Variants in TRIM66 observed in about 807,000 individuals in gnomAD.
The protein encoded by TRIM66 is tripartite motif containing 66.
Under a neutral mutation model 148.2 loss-of-function variants are expected in TRIM66, and 99 were observed. The observed-to-expected ratio is 0.67, with a 90% CI of 0.57 to 0.79. TRIM66 has a LOEUF of 0.79. TRIM66 is among the 30% of genes least tolerant of loss of function. TRIM66 has a pLI of 0.00. For missense variants in TRIM66, 1,666 were observed against 1,697.9 expected (o/e 0.98, Z 0.33); for synonymous variants, 616 against 635.9 (o/e 0.97, Z 0.47).
Position 8,621,147 on chromosome 11 carries a change from C to A in TRIM66, c.3430G>T (p.Glu1144Ter), listed in dbSNP as rs1378306199. ...GAKKGPPAPI[E>*]NEDFCAVCLN... Reference sequence around the variant, plus strand: ...CAAACAGCACAGAAGTCCTCATTCTCTATTGGGGCTGGGGGGCCCTTCTTG... The same window carrying A: ...CAAACAGCACAGAAGTCCTCATTCTATATTGGGGCTGGGGGGCCCTTCTTG... The change falls in exon 20 of 25, where the codon GAG (glutamate) becomes TAG (stop). Residue 1144 changes from glutamate (E) to a stop codon, truncating the protein, a stop_gained. Coordinates refer to ENST00000646038, the MANE Select transcript of TRIM66 (RefSeq NM_001388022.1). LOFTEE classifies it high-confidence loss of function. The A allele has an allele frequency of 6.4e-7, 1 of 1,551,726 alleles. No homozygotes were observed. The highest frequency in any genetic ancestry group is 2.0e-5 in the Admixed American group (1 of 51,016).
chr11:8,621,409 G>A (rs1592005124), intron 19 of TRIM66, 88 bp from the exon 20 acceptor site: 1 of 1,447,970 alleles, frequency 6.9e-7, no homozygotes, highest in Non-Finnish European at 9.1e-7. Context: ...GGCCCTGCAT[G>A]CCTACATGAG....
At chr11:8,665,799 A>G (rs934161667) in intron 6 of TRIM66, among the ~76,000 whole-genome samples, 1 of 151,952 alleles carries the variant, frequency 6.6e-6, no homozygotes, top group African/African-American at 2.4e-5. Flanking sequence ...AATACAAAAA[A>G]TTAGCCGGGC....
chr11:8,640,904 T>G lies in TRIM66; in HGVS notation c.1471A>C (p.Ser491Arg). ...VPPPSIHPAH[S>R]FRQPPEMVPQ... ...ACCATCTCAGGGGGCTGCCTGAAGC[T>G]GTGGGCTGGGTGTATGCTGGGTGGG... The change falls in exon 14 of 25, where the codon AGC (serine) becomes CGC (arginine). Residue 491 changes from serine to arginine, a missense_variant. Physicochemically the swap from Ser to Arg is moderately radical, Grantham distance 110. Coordinates refer to ENST00000646038, the MANE Select transcript of TRIM66 (RefSeq NM_001388022.1). The G allele has an allele frequency of 6.5e-7, 1 of 1,550,042 alleles. No homozygotes were observed. The highest frequency in any genetic ancestry group is 8.7e-7 in the Non-Finnish European group (1 of 1,146,744).
intron 6 of TRIM66, among the ~76,000 whole-genome samples, chr11:8,668,519 T>A (rs955861698): frequency 1.3e-5 from 2 of 152,208 alleles, no homozygotes; most frequent in African/African-American, 4.8e-5. Context: ...CTACTCTCCA[T>A]GTGACTGCCT....
chr11:8,634,474 C>A (rs1487029401), intron 15 of TRIM66, among the ~76,000 whole-genome samples: 1 of 152,216 alleles, frequency 6.6e-6, no homozygotes, highest in African/African-American at 2.4e-5. Flanking sequence ...CGGCCAACTC[C>A]TTTGAGGAAA....
At position 8,640,796 on chromosome 11, in the gene TRIM66, G is replaced by A. The variant is rs2036317831; in HGVS notation, c.1579C>T (p.Leu527=). ...ELACSPHPPK[L]LQPWLETQPP... The stretch of plus-strand genomic sequence containing the variant: ...TGGGTTTCCAGCCAGGGCTGCAGCA[G>A]CTTTGGTGGATGAGGGCTGCAGGCC... Residue 527 remains leucine (L), a synonymous_variant, in exon 14 of 25, where the codon CTG becomes TTG. Transcript: ENST00000646038. The A allele has an allele frequency of 1.3e-6, 2 of 1,550,952 alleles. No individual in the cohort carries two copies. The highest frequency in any genetic ancestry group is 1.7e-6 in the Non-Finnish European group (2 of 1,147,006).
In TRIM66 at chr11:8,619,510, T is replaced by C. The variant is rs575832250; in HGVS notation, c.3773A>G (p.Lys1258Arg). The C allele has an allele frequency of 7.1e-6, 11 of 1,548,614 alleles. No homozygotes were observed. The East Asian group carries it at 2.2e-4, about 31-fold the overall frequency. ...PLARHYYQII[K>R]RPMDLSIIRR... ...GATGATTGACAGGTCCATGGGCCTC[T>C]TGATAATCTGGTAATAATGCCGGGC... The change falls in exon 23 of 25, where the codon AAG becomes AGG. Residue 1258 changes from lysine (K) to arginine (R), a missense_variant. Physicochemically the swap from Lys to Arg is conservative, Grantham distance 26 (BLOSUM62 2). Transcript: ENST00000646038.
chr11:8,664,771 A>G (rs552510012), intron 6 of TRIM66, among the ~76,000 whole-genome samples: 70 of 152,208 alleles, frequency 4.6e-4, no homozygotes, highest in Non-Finnish European at 8.8e-4. Context: ...GCGGGGTTAC[A>G]AACATGAAAG....
At chr11:8,633,089 G>A (rs2035561703) in intron 15 of TRIM66, among the ~76,000 whole-genome samples, 1 of 152,200 alleles carries the variant, frequency 6.6e-6, no homozygotes, top group Non-Finnish European at 1.5e-5. Flanking sequence ...CCCAAGGCTT[G>A]GAGACTCAGG....
intron 4 of TRIM66, among the ~76,000 whole-genome samples, chr11:8,674,296 T>C (rs974438960): frequency 1.3e-5 from 2 of 152,246 alleles, no homozygotes; most frequent in Non-Finnish European, 2.9e-5. Context: ...TTTTAAAACA[T>C]TAATTTTCAT....
intron 6 of TRIM66, among the ~76,000 whole-genome samples, chr11:8,669,599 C>A (rs1196663162): frequency 2.7e-5 from 4 of 150,854 alleles, no homozygotes; most frequent in Non-Finnish European, 5.9e-5. Flanking sequence ...GCCGAGATCG[C>A]ACCACTGCAC....
In TRIM66 at chr11:8,617,807, T is replaced by A. The variant is rs971283887; in HGVS notation, c.*137A>T. On this transcript the variant is annotated 3_prime_UTR_variant, in exon 25 of 25. Transcript: ENST00000646038. ...CCCAAATAAATGCTGTAGATGCAAA[T>A]GGCAAAGAAGAGCACTACACAGTTC... is the stretch of plus-strand genomic sequence containing the variant. 5.8e-5 allele frequency: 45 copies of A among 774,634 alleles called. No homozygotes were observed. The highest frequency in any genetic ancestry group is 9.2e-5 in the Non-Finnish European group (43 of 468,340). The allele number at this position is 774,634 out of a possible 1,614,324, so 48.0% of individuals were successfully genotyped here.
At chr11:8,647,082 CAAT>C (rs1259821152) in intron 10 of TRIM66, among the ~76,000 whole-genome samples, 3 of 93,620 alleles carry the variant, frequency 3.2e-5, no homozygotes, top group Non-Finnish European at 5.1e-5. Flanking sequence ...ATATAATAAA[CAAT>C]AAACATATAA....
intron 20 of TRIM66, 99 bp from the exon 21 acceptor site, chr11:8,620,671 C>G (rs7950166): frequency 6.8e-6 from 10 of 1,466,062 alleles, no homozygotes; most frequent in Non-Finnish European, 9.1e-6. Context: ...ACTGAGTCTC[C>G]GGCTTTGCCG....
rs1256801890 is a variant in TRIM66, at chr11:8,618,761, G to A, written c.4108C>T (p.Arg1370Ter). 52 of 1,549,960 alleles carry A rather than the reference G, an allele frequency of 3.4e-5. No individual in the cohort carries two copies. Among genetic ancestry groups the A allele is most frequent in the Non-Finnish European group, 3.9e-5 (45 of 1,146,788 alleles). Residue 1370 changes from arginine (R) to a stop codon, truncating the protein, a stop_gained, in exon 24 of 25, where the codon CGA (arginine) becomes TGA (stop). Coordinates refer to ENST00000646038, the MANE Select transcript of TRIM66 (RefSeq NM_001388022.1). LOFTEE classifies it high-confidence loss of function. ...MQEGIQPKRR[R>*]RHMENERAKR... is the part of the protein sequence containing the mutation. ...CAGTAACTCTTTACCATATGTCGTCGCCGCCTCTTGGGTTGGATGCCCTCC... is the reference window on the plus strand; with the variant it reads ...CAGTAACTCTTTACCATATGTCGTCACCGCCTCTTGGGTTGGATGCCCTCC...
upstream of TRIM66, chr11:8,683,137 G>T: frequency 3.3e-6 from 5 of 1,512,980 alleles, no homozygotes; most frequent in South Asian, 1.1e-5. Flanking sequence ...GGACCATCTC[G>T]GCTGGCGGGC....
intron 10 of TRIM66, 62 bp downstream of exon 10, chr11:8,647,908 G>C: frequency 7.5e-7 from 1 of 1,332,468 alleles, no homozygotes; most frequent in South Asian, 1.3e-5. Flanking sequence ...GCCTGGTGTT[G>C]GAACCCTGGG....
chr11:8,638,947 G>T, intron 14 of TRIM66, 132 bp from the exon 15 acceptor site: 1 of 951,530 alleles, frequency 1.1e-6, no homozygotes, highest in Non-Finnish European at 1.5e-6. Context: ...CTGCTTAAAC[G>T]TTTTCCAAAA....
chr11:8,672,757 A>G (rs1027099527), intron 4 of TRIM66, among the ~76,000 whole-genome samples: 2 of 151,344 alleles, frequency 1.3e-5, no homozygotes, highest in African/African-American at 2.4e-5. Flanking sequence ...TCAGCCTCAC[A>G]GGTAACTGGG....
Sources: gnomAD v4.1 joint callset for allele counts (sites outside exome capture counted in the v4.1 genomes callset) on GRCh38, gnomAD v4.1.1 for gene constraint, MANE v1.5 for transcripts, NCBI Gene and HGNC (gene_info 2026-07-23, HGNC 2026-07-21) for gene names.